The following IARS1 variants were observed in gnomAD, a reference collection of about 807,000 sequenced individuals.
IARS1 encodes isoleucine--tRNA ligase, cytoplasmic.
Under a neutral mutation model 168.2 loss-of-function variants are expected in IARS1, and 124 were observed. The observed-to-expected ratio is 0.74, with a 90% CI of 0.64 to 0.86. IARS1 has a LOEUF of 0.86. Ranked by LOEUF, IARS1 falls within the 40% of genes least tolerant of loss-of-function variation. The pLI is 0.00. For synonymous variants in IARS1, 532 were observed against 529.4 expected, an observed-to-expected ratio of 1.00 and a Z score of -0.07; for missense variants, 1,452 against 1,515.8, an observed-to-expected ratio of 0.96 and a Z score of 0.70.
intron 22 of IARS1, 141 bp from the exon 23 acceptor site, chr9:92,250,975 C>A: frequency 1.1e-6 from 1 of 871,882 alleles, no homozygotes; most frequent in Admixed American, 2.3e-5. Context: ...AAAACATGCC[C>A]TGTGAATGAG....
In IARS1 at chr9:92,293,659, A is replaced by G. The variant is rs899018197; in HGVS notation, c.-56T>C. ...CAGCCCCGCGGGCCAGCAAGCCTAA[A>G]AGCAACTCATCCGGCGTCCACGCTG... is the stretch of plus-strand genomic sequence containing the variant. On this transcript the variant is annotated 5_prime_UTR_variant, in exon 1 of 34. Transcript: ENST00000443024. 1.4e-5 allele frequency: 4 copies of G among 284,286 alleles called. No individual in the cohort carries two copies. The highest frequency in any genetic ancestry group is 4.4e-5 in the Admixed American group (1 of 22,572). 17.6% of individuals were successfully genotyped at this position (284,286 alleles called of 1,614,324 possible). A position where few individuals can be genotyped will look rare whatever the true frequency, so the allele number is the denominator to read the frequency against.
At chr9:92,261,106 C>T (rs759499709) in intron 17 of IARS1, among the ~76,000 whole-genome samples, 5 of 151,998 alleles carry the variant, frequency 3.3e-5, no homozygotes, top group African/African-American at 9.7e-5. Context: ...CTCAGGAGCT[C>T]GAGACCAGCC....
chr9:92,228,083 C>T lies in IARS1; in HGVS notation c.3409+918G>A, dbSNP rs985643784. Among the ~76,000 whole-genome samples the T allele has an allele frequency of 1.8e-4, 27 of 152,312 alleles. No individual in the cohort carries two copies. The South Asian group carries it at 2.3e-3, about 13-fold the overall frequency. On this transcript the variant is annotated intron_variant, in intron 31 of 33. Coordinates refer to ENST00000443024, the MANE Select transcript of IARS1 (RefSeq NM_002161.6). ...GTGAACGAGACTCCGTCTGCAATCCCGGCACCTCAGGAGGCCAAGGCTGGC... is the reference window on the plus strand; with the variant it reads ...GTGAACGAGACTCCGTCTGCAATCCTGGCACCTCAGGAGGCCAAGGCTGGC...
intron 20 of IARS1, among the ~76,000 whole-genome samples, chr9:92,254,926 G>A (rs504708): frequency 0.58 from 88,655 of 152,070 alleles, 28,364 homozygotes; most frequent in African/African-American, 0.86. Context: ...GCCAGAATGC[G>A]CATCTCCAGA....
intron 33 of IARS1, among the ~76,000 whole-genome samples, chr9:92,213,683 T>C (rs887086732): frequency 2.6e-5 from 4 of 152,170 alleles, no homozygotes; most frequent in Non-Finnish European, 2.9e-5. Context: ...ATCCCATTTG[T>C]GGAAATTTGT....
At chr9:92,290,676 T>C (rs1836180206) in intron 1 of IARS1, among the ~76,000 whole-genome samples, 1 of 152,168 alleles carries the variant, frequency 6.6e-6, no homozygotes, top group African/African-American at 2.4e-5. Flanking sequence ...TCGTATATGG[T>C]GTGAGGGAGG....
rs773602204 is a variant in IARS1 at position 92,247,473 on chromosome 9, T to C, written c.2695A>G (p.Met899Val). 9 of 1,614,106 alleles carry C rather than the reference T, an allele frequency of 5.6e-6. No individual in the cohort carries two copies. The highest frequency in any genetic ancestry group is 1.1e-5 in the South Asian group (1 of 91,080). Residue 899 changes from methionine (M) to valine (V), a missense_variant, in exon 26 of 34, where the codon ATG becomes GTG. By Grantham distance (21) the Met-to-Val change is conservative. Transcript: ENST00000443024. ...CCCTTCAGACGCTTCCCCAGGACCA[T>C]GTGATCTGGTTCTGCCCTTAGCCGA... ...GIRLRAEPDH[M>V]VLGKRLKGAF...
chr9:92,242,917 C>G, intron 28 of IARS1: 1 of 331,940 alleles, frequency 3.0e-6, no homozygotes, highest in Non-Finnish European at 5.8e-6. Context: ...TGCAAAGACA[C>G]TATCAGCTCT....
chr9:92,250,005 G>C (rs1358252582), intron 24 of IARS1, 64 bp from the exon 25 acceptor site: 1 of 992,254 alleles, frequency 1.0e-6, no homozygotes, highest in Admixed American at 1.8e-5. Flanking sequence ...CAGAAAAATG[G>C]AATATTAAAT....
chr9:92,273,219 A>G (rs1354965351), intron 10 of IARS1, among the ~76,000 whole-genome samples: 1 of 152,056 alleles, frequency 6.6e-6, no homozygotes, highest in Non-Finnish European at 1.5e-5. Context: ...TAACCATACC[A>G]GTTAATTGAC....
chr9:92,224,293 C>T (rs1054413565), intron 31 of IARS1, among the ~76,000 whole-genome samples: 1 of 152,304 alleles, frequency 6.6e-6, no homozygotes, highest in East Asian at 1.9e-4. Context: ...CTGGGTAGCC[C>T]TGAAGAATAG....
At chr9:92,232,377 T>C (rs1826853417) in intron 30 of IARS1, among the ~76,000 whole-genome samples, 2 of 152,218 alleles carry the variant, frequency 1.3e-5, no homozygotes, top group South Asian at 4.1e-4. Context: ...TGCCAATCTA[T>C]AGAATGCTGA....
chr9:92,265,025 T>G lies in IARS1; in HGVS notation c.1604A>C (p.Tyr535Ser). Residue 535 changes from tyrosine to serine, a missense_variant, in exon 16 of 34, where the codon TAT becomes TCT. Tyr to Ser is a moderately radical substitution (Grantham distance 144, BLOSUM62 -2). Coordinates refer to ENST00000443024, the MANE Select transcript of IARS1 (RefSeq NM_002161.6). ...TTCAAACGGGTAATGAACCTGAGCA[T>G]AGGGCATGCTGCCACTCTCAAACCA... ...DCWFESGSMPYAQVHYPFENK... is the reference protein window; with the variant it reads ...DCWFESGSMPSAQVHYPFENK... The G allele has an allele frequency of 6.2e-7, 1 of 1,614,122 alleles. No homozygotes were observed. Among genetic ancestry groups the G allele is most frequent in the Non-Finnish European group, 8.5e-7 (1 of 1,180,020 alleles).
chr9:92,240,269 C>CT (rs899716649), intron 30 of IARS1: 2,306 of 164,074 alleles, frequency 0.014, 1 homozygote, highest in Middle Eastern at 0.036. Context: ...TTTTTCTTTT[C>CT]TTTTTTTTTT....
Position 92,278,024 on chromosome 9 carries a change from C to T in IARS1, c.834-101G>A, listed in dbSNP as rs375566215. On this transcript the variant is annotated intron_variant, in intron 8 of 33. Coordinates refer to ENST00000443024, the MANE Select transcript of IARS1 (RefSeq NM_002161.6). ...CCCCTCTGGTTTACTGGCTTCTTAG[C>T]CCTAGCCATTCATGCTGTAATGTGT... 435 of 1,207,374 alleles carry T rather than the reference C, an allele frequency of 3.6e-4. 1 individual carries two copies. Among genetic ancestry groups the T allele is most frequent in the Non-Finnish European group, 4.6e-4 (382 of 822,968 alleles). 74.8% of individuals were successfully genotyped at this position (1,207,374 alleles called of 1,614,324 possible).
At position 92,250,272 on chromosome 9, in the gene IARS1, T is replaced by C. The variant is rs1829821930; in HGVS notation, c.2447A>G (p.Lys816Arg). ...CTGAGATACTGCACTCTCTGTTTTC[T>C]TGTCAATCAATTCTTCTCTGAGTGG... ...LPRVREELID[K>R]KTESAVSQMQ... Residue 816 changes from lysine to arginine, a missense_variant, in exon 24 of 34, where the codon AAG becomes AGG. Coordinates refer to ENST00000443024, the MANE Select transcript of IARS1 (RefSeq NM_002161.6). 1.9e-6 allele frequency: 3 copies of C among 1,606,774 alleles called. No individual in the cohort carries two copies. Among genetic ancestry groups the C allele is most frequent in the Non-Finnish European group, 2.6e-6 (3 of 1,173,366 alleles).
intron 33 of IARS1, among the ~76,000 whole-genome samples, chr9:92,217,451 C>CA (rs944304182): frequency 1.4e-5 from 2 of 139,360 alleles, no homozygotes; most frequent in Non-Finnish European, 3.1e-5. Context: ...AATAGAGACA[C>CA]AAAAAACCCT....
intron 7 of IARS1, among the ~76,000 whole-genome samples, chr9:92,279,514 A>G (rs1327879503): frequency 1.3e-5 from 2 of 152,236 alleles, no homozygotes; most frequent in African/African-American, 4.8e-5. Context: ...GTCAACTCTT[A>G]GTCCTATTTG....
chr9:92,292,023 T>G (rs1836427766), intron 1 of IARS1, among the ~76,000 whole-genome samples: 1 of 151,258 alleles, frequency 6.6e-6, no homozygotes, highest in South Asian at 2.1e-4. Context: ...TTCCTTTTTT[T>G]TTTTTTTTTT....
Sources: allele counts gnomAD v4.1 joint callset (sites outside exome capture counted in the v4.1 genomes callset), GRCh38; gene constraint gnomAD v4.1.1; transcripts MANE v1.5; gene names NCBI Gene and HGNC (gene_info 2026-07-23, HGNC 2026-07-21).